NELL2: variants seen among roughly 807,000 people sequenced by gnomAD.
NELL2 encodes protein kinase C-binding protein NELL2.
Under a neutral mutation model 109.6 loss-of-function variants are expected in NELL2, and 41 were observed. That is an observed-to-expected ratio of 0.37 (90% CI 0.29 to 0.49). The LOEUF is 0.49. Among genes scored for constraint, NELL2 ranks in the 20% least tolerant of loss-of-function variants. NELL2 has a pLI of 0.98. For synonymous variants in NELL2, 355 were observed against 344.7 expected (o/e 1.03, Z -0.33); for missense variants, 900 against 1,008.3 (o/e 0.89, Z 1.45).
intron 9 of NELL2, among the ~76,000 whole-genome samples, chr12:44,774,419 G>A (rs569533040): frequency 6.6e-6 from 1 of 152,272 alleles, no homozygotes; most frequent in Non-Finnish European, 1.5e-5. Context: ...GCAGCCGTGT[G>A]AACCATTCTT....
rs139241009 is a variant in NELL2, at chr12:44,891,334, C to T, written c.39-15434G>A. Among the ~76,000 whole-genome samples the T allele has an allele frequency of 4.7e-3, 720 of 152,302 alleles. 6 individuals are homozygous for T. Among genetic ancestry groups the T allele is most frequent in the African/African-American group, 0.016 (685 of 41,572 alleles). On this transcript the variant is annotated intron_variant, in intron 1 of 20. Coordinates refer to the NELL2 transcript ENST00000333837. The stretch of plus-strand genomic sequence containing the variant: ...GATACCTAAGGCCATGGGAGCAGAT[C>T]TTGCTAAAATTATCCACACTCCAAT...
chr12:44,610,049 G>A (rs1050142117), intron 14 of NELL2, among the ~76,000 whole-genome samples: 1 of 151,856 alleles, frequency 6.6e-6, no homozygotes, highest in African/African-American at 2.4e-5. Context: ...GAAAAGGCGA[G>A]TTAATGGATT....
At chr12:44,872,887 G>C (rs943766443) in intron 2 of NELL2, among the ~76,000 whole-genome samples, 1 of 152,150 alleles carries the variant, frequency 6.6e-6, no homozygotes, top group African/African-American at 2.4e-5. Context: ...AAAATCTTCA[G>C]TCTGTATATT....
intron 16 of NELL2, among the ~76,000 whole-genome samples, chr12:44,525,706 G>A (rs1941735192): frequency 6.6e-6 from 1 of 152,150 alleles, no homozygotes; most frequent in Non-Finnish European, 1.5e-5. Flanking sequence ...GATTATTGAA[G>A]AACTAATGTT....
chr12:44,593,693 G>A (rs1944846895), intron 15 of NELL2, among the ~76,000 whole-genome samples: 2 of 152,126 alleles, frequency 1.3e-5, no homozygotes, highest in African/African-American at 2.4e-5. Context: ...CACAATGGTT[G>A]AACTAATTTA....
chr12:44,817,020 A>G (rs1367666115), intron 2 of NELL2, among the ~76,000 whole-genome samples: 1 of 152,250 alleles, frequency 6.6e-6, no homozygotes, highest in East Asian at 1.9e-4. Context: ...TTGTGATCAA[A>G]TTACTCTCCT....
intron 13 of NELL2, among the ~76,000 whole-genome samples, chr12:44,625,222 C>G (rs755653838): frequency 2.0e-5 from 3 of 151,714 alleles, no homozygotes; most frequent in Non-Finnish European, 4.4e-5. Flanking sequence ...GTATTGAACA[C>G]CCTGCATGGC....
At chr12:44,770,909 C>T (rs1238416061) in intron 9 of NELL2, among the ~76,000 whole-genome samples, 1 of 152,156 alleles carries the variant, frequency 6.6e-6, no homozygotes, top group Non-Finnish European at 1.5e-5. Flanking sequence ...AGGCATGCAT[C>T]CATGTAATAG....
chr12:44,883,033 G>A (rs1222588564), intron 1 of NELL2, among the ~76,000 whole-genome samples: 1 of 145,054 alleles, frequency 6.9e-6, no homozygotes, highest in Non-Finnish European at 1.5e-5. Context: ...TGGATTTTTA[G>A]TAGAGCCAGG....
chr12:44,620,247 C>A (rs1946004952), intron 13 of NELL2, among the ~76,000 whole-genome samples: 1 of 151,778 alleles, frequency 6.6e-6, no homozygotes, highest in South Asian at 2.1e-4. Context: ...AAACACTCTT[C>A]ACCTCAAATC....
Position 44,774,746 on chromosome 12 carries a change from C to T in NELL2, c.994+1G>A, listed in dbSNP as rs1276174492. On this transcript the variant is annotated splice_donor_variant, in intron 9 of 19. Transcript: ENST00000429094. LOFTEE classifies it high-confidence loss of function. The stretch of plus-strand genomic sequence containing the variant: ...GTATTCATCATAAAAGTTATGCTCA[C>T]ATTTGCATTCCTTACAGCATTTGCC... 3 of 1,610,268 alleles carry T rather than the reference C, an allele frequency of 1.9e-6. No individual in the cohort carries two copies. The highest frequency in any genetic ancestry group is 2.5e-6 in the Non-Finnish European group (3 of 1,176,600).
intron 13 of NELL2, among the ~76,000 whole-genome samples, chr12:44,662,728 G>A (rs1023095376): frequency 6.6e-6 from 1 of 152,178 alleles, no homozygotes; most frequent in Non-Finnish European, 1.5e-5. Flanking sequence ...ATTAAGTAAT[G>A]TGTATTGCTC....
intron 1 of NELL2, among the ~76,000 whole-genome samples, chr12:44,908,498 TTG>T (rs2136889191): frequency 6.6e-6 from 1 of 152,000 alleles, no homozygotes; most frequent in Admixed American, 6.6e-5. Context: ...TATTATGGTA[TTG>T]AATGAACATA....
At chr12:44,586,290 A>G (rs1251973509) in intron 15 of NELL2, among the ~76,000 whole-genome samples, 1 of 149,514 alleles carries the variant, frequency 6.7e-6, no homozygotes, top group East Asian at 1.9e-4. Context: ...GTGATTATAT[A>G]TATATAGATA....
intron 15 of NELL2, among the ~76,000 whole-genome samples, chr12:44,533,444 C>T (rs10785500): frequency 0.74 from 112,034 of 151,826 alleles, 41,733 homozygotes; most frequent in East Asian, 1. Context: ...GTAGATAGTA[C>T]ATTGAACATG....
chr12:44,520,427 T>G (rs1941476777), intron 18 of NELL2, among the ~76,000 whole-genome samples, 198 bp from the exon 19 acceptor site: 1 of 152,218 alleles, frequency 6.6e-6, no homozygotes, highest in Non-Finnish European at 1.5e-5. Context: ...AATTCTGTAT[T>G]GCAGCTTGAT....
intron 12 of NELL2, among the ~76,000 whole-genome samples, chr12:44,685,172 A>G (rs1948671661): frequency 6.6e-6 from 1 of 152,054 alleles, no homozygotes; most frequent in Admixed American, 6.5e-5. Flanking sequence ...CCATTAAGTA[A>G]TGGCCTTGTC....
chr12:44,512,044 C>T (rs1379550225), intron 19 of NELL2, among the ~76,000 whole-genome samples: 4 of 152,096 alleles, frequency 2.6e-5, no homozygotes, highest in Non-Finnish European at 5.9e-5. Context: ...AATGAAGAGA[C>T]AACTTGCAGA....
At chr12:44,597,268 T>C (rs960328365) in intron 15 of NELL2, among the ~76,000 whole-genome samples, 1 of 152,186 alleles carries the variant, frequency 6.6e-6, no homozygotes, top group Non-Finnish European at 1.5e-5. Flanking sequence ...TCATTTTTCT[T>C]ATTTTTTAAA....
Sources: gnomAD v4.1 joint callset for allele counts (sites outside exome capture counted in the v4.1 genomes callset) on GRCh38, gnomAD v4.1.1 for gene constraint, MANE v1.5 for transcripts, NCBI Gene and HGNC (gene_info 2026-07-23, HGNC 2026-07-21) for gene names.